ACOT6: variants seen among roughly 807,000 people sequenced by gnomAD.
ACOT6 encodes the protein acyl-coenzyme A thioesterase 6.
ACOT6 carries 14 observed loss-of-function variants against 12.3 expected under a neutral mutation model. The observed-to-expected ratio is 1.14, with a 90% CI of 0.75 to 1.78. The LOEUF (loss-of-function observed/expected upper bound fraction) is 1.78. Among genes scored for constraint, ACOT6 ranks in the 40% most tolerant of loss-of-function variants. The pLI, the probability that ACOT6 is intolerant of heterozygous loss-of-function variation, is 0.00. For missense variants in ACOT6, 523 were observed against 551.8 expected, an observed-to-expected ratio of 0.95 and a Z score of 0.52; for synonymous variants, 218 against 231.3, an observed-to-expected ratio of 0.94 and a Z score of 0.52.
Position 73,612,643 on chromosome 14 carries a change from C to G in ACOT6, c.72C>G (p.Arg24=). 1 of 1,402,082 alleles carries G rather than the reference C, an allele frequency of 7.1e-7. No individual in the cohort carries two copies. Among genetic ancestry groups the G allele is most frequent in the Non-Finnish European group, 9.3e-7 (1 of 1,078,528 alleles). 86.9% of individuals were successfully genotyped at this position (1,402,082 alleles called of 1,614,324 possible). Reference sequence around the variant, plus strand: ...ACGAGCCGCTGCGCATCGCAGTGCGCGGCCTGGCCCCGGAGCAGCCAGTCA... The same window carrying G: ...ACGAGCCGCTGCGCATCGCAGTGCGGGGCCTGGCCCCGGAGCAGCCAGTCA... ...CWDEPLRIAV[R]GLAPEQPVTL... is the part of the protein sequence containing the mutation. The change falls in exon 1 of 3, where the codon CGC becomes CGG. Residue 24 remains arginine, a synonymous_variant. Transcript: ENST00000645972.
chr14:73,613,000 G>A lies in ACOT6; in HGVS notation c.429G>A (p.Pro143=), dbSNP rs1169907371. 2.0e-6 allele frequency: 2 copies of A among 984,460 alleles called. No homozygotes were observed. Among genetic ancestry groups the A allele is most frequent in the Non-Finnish European group, 2.8e-6 (2 of 718,054 alleles). 61.0% of individuals were successfully genotyped at this position (984,460 alleles called of 1,614,324 possible). A position where few individuals can be genotyped will look rare whatever the true frequency, so the allele number is the denominator to read the frequency against. The change falls in exon 1 of 3, where the codon CCG becomes CCA. Residue 143 remains proline (P), a synonymous_variant. Transcript: ENST00000645972. Reference sequence around the variant, plus strand: ...GGCGCGAGCCGGTGCGCGCGGGCCCGGTGCGCGCCGCGCTCTTCCTGCCGC... The same window carrying A: ...GGCGCGAGCCGGTGCGCGCGGGCCCAGTGCGCGCCGCGCTCTTCCTGCCGC... ...GVRREPVRAG[P]VRAALFLPPD...
In ACOT6 at chr14:73,619,708, G is replaced by A; in HGVS notation, c.1135G>A (p.Gly379Ser). The A allele has an allele frequency of 6.2e-7, 1 of 1,614,106 alleles. No homozygotes were observed. The highest frequency in any genetic ancestry group is 8.5e-7 in the Non-Finnish European group (1 of 1,180,016). ...TAGAGCTTCTGTGCACGCTGTTTTG[G>A]GTGAGGCAATATTCTATGGAGGTGA... ...PSRASVHAVL[G>S]EAIFYGGEPK... The change falls in exon 3 of 3, where the codon GGT (glycine) becomes AGT (serine). Residue 379 changes from glycine (G) to serine (S), a missense_variant. Gly to Ser is a moderately conservative substitution (Grantham distance 56). Coordinates refer to ENST00000645972, the MANE Select transcript of ACOT6 (RefSeq NM_001365788.1).
At chr14:73,613,073 C>T in intron 1 of ACOT6, 41 bp downstream of exon 1, 3 of 578,382 alleles carry the variant, frequency 5.2e-6, no homozygotes, top group Non-Finnish European at 8.5e-6. Context: ...CGACCCCCAC[C>T]GGCCCCTTTC....
intron 1 of ACOT6, among the ~76,000 whole-genome samples, chr14:73,614,384 C>A (rs1449894552): frequency 1.3e-5 from 2 of 152,124 alleles, no homozygotes; most frequent in African/African-American, 4.8e-5. Context: ...TTGGGTCTTA[C>A]AGATTTCTAA....
chr14:73,613,372 G>A (rs999777521), intron 1 of ACOT6, among the ~76,000 whole-genome samples: 29 of 152,102 alleles, frequency 1.9e-4, no homozygotes, highest in African/African-American at 5.6e-4. Context: ...TTTATTGAGA[G>A]CCACTATGTG....
At chr14:73,618,058 G>C (rs1890570234) in intron 2 of ACOT6, among the ~76,000 whole-genome samples, 1 of 151,918 alleles carries the variant, frequency 6.6e-6, no homozygotes, top group Admixed American at 6.6e-5. Context: ...CAGGAGAATT[G>C]CTCGAACTCA....
upstream of ACOT6, chr14:73,611,476 T>C (rs1438504969): frequency 6.6e-6 from 1 of 152,220 alleles, no homozygotes; most frequent in Non-Finnish European, 1.5e-5. Context: ...CCCATGCCTT[T>C]GTAGATAGTA....
intron 2 of ACOT6, among the ~76,000 whole-genome samples, chr14:73,617,878 C>T (rs971614458): frequency 6.7e-6 from 1 of 148,930 alleles, no homozygotes; most frequent in Non-Finnish European, 1.5e-5. Context: ...GGTGCGGTGG[C>T]TCACGTCTGT....
At chr14:73,614,158 G>T (rs961876187) in intron 1 of ACOT6, among the ~76,000 whole-genome samples, 3 of 151,692 alleles carry the variant, frequency 2.0e-5, no homozygotes, top group African/African-American at 7.3e-5. Context: ...CTGAGATCAC[G>T]CCACTGCATT....
intron 1 of ACOT6, among the ~76,000 whole-genome samples, chr14:73,616,373 A>G (rs1306747994): frequency 6.6e-6 from 1 of 151,920 alleles, no homozygotes; most frequent in Non-Finnish European, 1.5e-5. Flanking sequence ...GCTGGAGTGC[A>G]GTGGTGTGAC....
chr14:73,616,790 C>T (rs954372575), intron 1 of ACOT6: 1 of 451,850 alleles, frequency 2.2e-6, no homozygotes, highest in Non-Finnish European at 3.9e-6. Flanking sequence ...GATTTTAGTG[C>T]ACCTGTCGCC....
rs1368283594 is a variant in ACOT6 at position 73,615,396 on chromosome 14, AAAAAAAAAAAACAAAAAAC to A, written c.462-1589_462-1571del. Among the ~76,000 whole-genome samples, 9 of 136,536 alleles carry A rather than the reference AAAAAAAAAAAACAAAAAAC, an allele frequency of 6.6e-5. 1 individual carries two copies. The highest frequency in any genetic ancestry group is 1.3e-4 in the African/African-American group (5 of 37,226). The allele number at this position is 136,536 out of a possible 152,430, so 89.6% of individuals were successfully genotyped here. A position where few individuals can be genotyped will look rare whatever the true frequency, so the allele number is the denominator to read the frequency against. ...AGAGAGACTCTGTCTGATAAAAAAAAAAAAAAAAAAACAAAAAACAAAAAAAACCAGCAACAACGAAAAA... is the reference window on the plus strand; with the variant it reads ...AGAGAGACTCTGTCTGATAAAAAAAAAAAAAAAACCAGCAACAACGAAAAA... On this transcript the variant is annotated intron_variant, in intron 1 of 2. Transcript: ENST00000645972.
Position 73,617,109 on chromosome 14 carries a change from T to C in ACOT6, c.577T>C (p.Phe193Leu), listed in dbSNP as rs1361515534. 5.0e-6 allele frequency: 8 copies of C among 1,604,892 alleles called. No individual in the cohort carries two copies. Among genetic ancestry groups the C allele is most frequent in the Non-Finnish European group, 6.8e-6 (8 of 1,171,854 alleles). The stretch of plus-strand genomic sequence containing the variant: ...TGTGCTTGCCCTGGCTTATTTCAGA[T>C]TTGAAGACCTCCCCGAAGATCTGAA... ...FAVLALAYFR[F>L]EDLPEDLNDV... Residue 193 changes from phenylalanine to leucine, a missense_variant, in exon 2 of 3, where the codon TTT becomes CTT. Phe to Leu is a conservative substitution (Grantham distance 22, BLOSUM62 0). Transcript: ENST00000645972.
rs142798417 is a variant in ACOT6, at chr14:73,618,315, G to A, written c.661-919G>A. On this transcript the variant is annotated intron_variant, in intron 2 of 2. Coordinates refer to ENST00000645972, the MANE Select transcript of ACOT6 (RefSeq NM_001365788.1). ...ACAACCCCTAGTGCTCTTGGGATCC[G>A]GCACCCCAGAATTCTCTGCCAAACA... 7.3e-4 allele frequency among the ~76,000 whole-genome samples: 111 copies of A among 151,930 alleles called. 2 individuals carry two copies. The highest frequency in any genetic ancestry group is 2.5e-3 in the African/African-American group (105 of 41,286).
Position 73,619,601 on chromosome 14 carries a change from A to C in ACOT6, c.1028A>C (p.Gln343Pro). 1 of 1,614,238 alleles carries C rather than the reference A, an allele frequency of 6.2e-7. No homozygotes were observed. Reference protein sequence around the residue: ...FYAQIASERLQAHGKERPQII... With the variant: ...FYAQIASERLPAHGKERPQII... ...GCTCAGATAGCCTCTGAAAGGCTACAAGCTCATGGGAAAGAAAGACCCCAG... is the reference window on the plus strand; with the variant it reads ...GCTCAGATAGCCTCTGAAAGGCTACCAGCTCATGGGAAAGAAAGACCCCAG... The change falls in exon 3 of 3, where the codon CAA (glutamine) becomes CCA (proline). Residue 343 changes from glutamine (Q) to proline (P), a missense_variant. Transcript: ENST00000645972.
In ACOT6 at chr14:73,619,650, TCACTGTATTGACC is replaced by T; in HGVS notation, c.1081_1093del (p.Cys361LeufsTer32). 6.2e-7 allele frequency: 1 copy of T among 1,614,180 alleles called. No homozygotes were observed. The highest frequency in any genetic ancestry group is 1.7e-5 in the Admixed American group (1 of 60,018). On this transcript the variant is annotated frameshift_variant, in exon 3 of 3. Coordinates refer to ENST00000645972, the MANE Select transcript of ACOT6 (RefSeq NM_001365788.1). LOFTEE classifies it low-confidence loss of function (END_TRUNC). Reference sequence around the variant, plus strand: ...AGATAATCTGTTACCCAGAAACTGGTCACTGTATTGACCCACCTTATTTTCCTCCTTCTAGAGC... The same window carrying T: ...AGATAATCTGTTACCCAGAAACTGGTCACCTTATTTTCCTCCTTCTAGAGC...
intron 2 of ACOT6, 67 bp from the exon 3 acceptor site, chr14:73,619,167 A>G (rs1890588878): frequency 6.7e-7 from 1 of 1,496,732 alleles, no homozygotes; most frequent in Admixed American, 2.4e-5. Context: ...TGGAGAATGT[A>G]AAATCACTGT....
At chr14:73,614,733 C>T (rs1404160232) in intron 1 of ACOT6, among the ~76,000 whole-genome samples, 2 of 127,040 alleles carry the variant, frequency 1.6e-5, no homozygotes, top group Admixed American at 8.9e-5. Context: ...GGCGACAGAG[C>T]GAGACCCTGT....
rs1890473521 is a variant in ACOT6, at chr14:73,612,943, G to A, written c.372G>A (p.Gln124=). Residue 124 remains glutamine, a synonymous_variant, in exon 1 of 3, where the codon CAG becomes CAA. Transcript: ENST00000645972. The part of the protein sequence containing the change: ...TEPGRLLCLA[Q]NKRDFLRPGV... ...CCGGGCGGCTGCTGTGCCTGGCGCAGAACAAGCGCGACTTTCTCCGGCCGG... is the reference window on the plus strand; with the variant it reads ...CCGGGCGGCTGCTGTGCCTGGCGCAAAACAAGCGCGACTTTCTCCGGCCGG... 1 of 1,290,990 alleles carries A rather than the reference G, an allele frequency of 7.7e-7. No individual in the cohort carries two copies. The highest frequency in any genetic ancestry group is 2.9e-5 in the Admixed American group (1 of 34,286). 80.0% of individuals were successfully genotyped at this position (1,290,990 alleles called of 1,614,324 possible).
Sources: gnomAD v4.1 joint callset for allele counts (sites outside exome capture counted in the v4.1 genomes callset) on GRCh38, gnomAD v4.1.1 for gene constraint, MANE v1.5 for transcripts, NCBI Gene and HGNC (gene_info 2026-07-23, HGNC 2026-07-21) for gene names.